The following DNAH17 variants were observed in gnomAD, a reference collection of about 807,000 sequenced individuals.
DNAH17 encodes the protein dynein axonemal heavy chain 17, also known as axonemal beta dynein heavy chain 17.
A neutral mutation model predicts 485.6 loss-of-function variants in DNAH17; 376 were observed. The ratio of observed to expected loss-of-function variants is 0.77; its 90% confidence interval spans 0.71 to 0.84. The LOEUF is 0.84. Among genes scored for constraint, DNAH17 ranks in the 40% least tolerant of loss-of-function variants. The pLI is 0.00. For synonymous variants in DNAH17, 3,031 were observed against 2,405.9 expected (o/e 1.26, Z -7.60); for missense variants, 6,370 against 5,839.3 (o/e 1.09, Z -2.96).
chr17:78,508,086 GA>G (rs1203990843), intron 27 of DNAH17, among the ~76,000 whole-genome samples: 1 of 152,202 alleles, frequency 6.6e-6, no homozygotes, highest in Non-Finnish European at 1.5e-5. Context: ...TAGGCTGAGT[GA>G]AAGAAGCCAC....
chr17:78,451,301 T>G (rs1433962415), intron 66 of DNAH17, among the ~76,000 whole-genome samples, 168 bp downstream of exon 66: 1 of 152,210 alleles, frequency 6.6e-6, no homozygotes, highest in Non-Finnish European at 1.5e-5. Flanking sequence ...AAATGAGCCA[T>G]CCTGTCGTAT....
chr17:78,477,936 CCACCATCACCATTATCATCTCCACCAT>C (rs1156263121), intron 51 of DNAH17, among the ~76,000 whole-genome samples: 1 of 150,276 alleles, frequency 6.7e-6, no homozygotes. Context: ...ACCATCATCA[CCACCATCACCATTATCATCTCCACCAT>C]CACCACCACC....
rs138711615 is a variant in DNAH17, at chr17:78,480,893, C to A, written c.7650-107G>T. On this transcript the variant is annotated intron_variant, in intron 48 of 80. Coordinates refer to ENST00000389840, the MANE Select transcript of DNAH17 (RefSeq NM_173628.4). ...CCTCCTTATTATTATTTTTTTGAGA[C>A]AGAGTCTCGCTCTGTTGCCCAGGCT... is the stretch of plus-strand genomic sequence containing the variant. 1.9e-3 allele frequency: 1,482 copies of A among 769,272 alleles called. 13 individuals are homozygous for A. The African/African-American group carries it at 0.022, about 11-fold the overall frequency. 47.7% of individuals were successfully genotyped at this position (769,272 alleles called of 1,614,324 possible).
chr17:78,429,242 G>A lies in DNAH17; in HGVS notation c.12284C>T (p.Thr4095Ile), dbSNP rs769912523. 1 of 1,613,960 alleles carries A rather than the reference G, an allele frequency of 6.2e-7. No individual in the cohort carries two copies. The highest frequency in any genetic ancestry group is 1.1e-5 in the South Asian group (1 of 91,082). Residue 4095 changes from threonine to isoleucine, a missense_variant, in exon 76 of 81, where the codon ACA becomes ATA. Coordinates refer to ENST00000389840, the MANE Select transcript of DNAH17 (RefSeq NM_173628.4). ...GCACAGCCGACGGTCCCAGTCATCT[G>A]TGATGTGGCCGCCATACATGATTTC... is the stretch of plus-strand genomic sequence containing the variant. The part of the protein sequence containing the change: ...FGEIMYGGHI[T>I]DDWDRRLCRT...
At chr17:78,460,325 C>CATGTGTGTGT in intron 58 of DNAH17, 68 bp from the exon 59 acceptor site, 1 of 770,890 alleles carries the variant, frequency 1.3e-6, no homozygotes, top group Non-Finnish European at 2.0e-6. Context: ...CGTGTACGTG[C>CATGTGTGTGT]ATGTGTGTGC....
chr17:78,528,982 C>G (rs558043283), intron 22 of DNAH17, among the ~76,000 whole-genome samples: 1 of 149,990 alleles, frequency 6.7e-6, no homozygotes, highest in Non-Finnish European at 1.5e-5. Flanking sequence ...GAATCTCTGT[C>G]GCCCAGGCTG....
In DNAH17 at chr17:78,428,992, C is replaced by CT. The variant is rs2086581287; in HGVS notation, c.12405+128dup. The CT allele has an allele frequency of 4.6e-6, 4 of 873,960 alleles. No homozygotes were observed. The South Asian group carries it at 6.7e-5, about 15-fold the overall frequency. The allele number at this position is 873,960 out of a possible 1,614,324, so 54.1% of individuals were successfully genotyped here. On this transcript the variant is annotated intron_variant, in intron 76 of 80. Transcript: ENST00000389840. ...TGCTTCTTCCAAGTGAGACGCATTT[C>CT]TCATCCTCTCTTATTTTGGCTGCCT...
At position 78,425,061 on chromosome 17, in the gene DNAH17, C is replaced by T. The variant is rs74001313; in HGVS notation, c.13141+285G>A. ...GGCTTTTCAGCGCTTTTCATCACGT[C>T]GGAGCTGCTCTCTCACAAGCTCTGC... On this transcript the variant is annotated intron_variant, in intron 80 of 80. Coordinates refer to ENST00000389840, the MANE Select transcript of DNAH17 (RefSeq NM_173628.4). The T allele has an allele frequency of 1.9e-4, 57 of 307,022 alleles. No homozygotes were observed. In the East Asian group the frequency reaches 2.1e-3, roughly 11 times the overall value. The allele number at this position is 307,022 out of a possible 1,614,324, so 19.0% of individuals were successfully genotyped here.
At chr17:78,467,373 T>C (rs1056353344) in intron 55 of DNAH17, among the ~76,000 whole-genome samples, 1 of 152,182 alleles carries the variant, frequency 6.6e-6, no homozygotes, top group African/African-American at 2.4e-5. Context: ...GACGCTGCCA[T>C]TGAATGGGGT....
rs775806647 is a variant in DNAH17, at chr17:78,501,181, C to T, written c.5483+3G>A. Reference sequence around the variant, plus strand: ...ATGTGAGTTACTCAGGGACGGGCCTCACCTGTCAGTGAGTGGGGTGATGAC... The same window carrying T: ...ATGTGAGTTACTCAGGGACGGGCCTTACCTGTCAGTGAGTGGGGTGATGAC... On this transcript the variant is annotated splice_donor_region_variant and intron_variant, in intron 35 of 80. Coordinates refer to ENST00000389840, the MANE Select transcript of DNAH17 (RefSeq NM_173628.4). 6.4e-7 allele frequency: 1 copy of T among 1,574,450 alleles called. No homozygotes were observed. Among genetic ancestry groups the T allele is most frequent in the South Asian group, 1.2e-5 (1 of 85,608 alleles).
intron 75 of DNAH17, 125 bp downstream of exon 75, chr17:78,433,902 GAC>G: frequency 1.7e-6 from 1 of 602,408 alleles, no homozygotes; most frequent in Middle Eastern, 5.0e-4. Flanking sequence ...CTAAGACAAA[GAC>G]CAAAAGGAAA....
chr17:78,553,493 G>T (rs1009236840), intron 14 of DNAH17, among the ~76,000 whole-genome samples: 2 of 151,558 alleles, frequency 1.3e-5, no homozygotes, highest in Non-Finnish European at 2.9e-5. Context: ...GTAGACGCAG[G>T]GTTTCACTAT....
At chr17:78,544,894 C>G (rs947917542) in intron 16 of DNAH17, among the ~76,000 whole-genome samples, 1 of 149,894 alleles carries the variant, frequency 6.7e-6, no homozygotes, top group Non-Finnish European at 1.5e-5. Flanking sequence ...TTTTTTTTCC[C>G]TACACATCTC....
chr17:78,441,405 T>C (rs1213484465), intron 71 of DNAH17, among the ~76,000 whole-genome samples: 1 of 152,008 alleles, frequency 6.6e-6, no homozygotes, highest in Non-Finnish European at 1.5e-5. Flanking sequence ...ACCCTTTCTT[T>C]CCCGAGGGGC....
rs775678605 is a variant in DNAH17, at chr17:78,453,507, C to T, written c.10407-42G>A. 1.1e-5 allele frequency: 17 copies of T among 1,610,766 alleles called. No individual in the cohort carries two copies. In the Admixed American group the frequency reaches 1.3e-4, roughly 13 times the overall value. ...GAAGCTGGTTCATGGCAGAGGGCCT[C>T]GTGATGGAACGGTGCGCACGCTCCG... On this transcript the variant is annotated intron_variant, in intron 64 of 80. Transcript: ENST00000389840.
At chr17:78,503,305 G>A (rs1027029858) in intron 31 of DNAH17, among the ~76,000 whole-genome samples, 5 of 147,874 alleles carry the variant, frequency 3.4e-5, no homozygotes, top group African/African-American at 5.0e-5. Context: ...TCAGCCTCCC[G>A]AGTAGCTGGG....
At position 78,442,589 on chromosome 17, in the gene DNAH17, G is replaced by A. The variant is rs546229952; in HGVS notation, c.11529-1390C>T. ...TGCTAATTACTTGGCCAGGCCAAAT[G>A]GTCATCGGCTGTGGATGAATTAATG... On this transcript the variant is annotated intron_variant, in intron 71 of 80. Coordinates refer to ENST00000389840, the MANE Select transcript of DNAH17 (RefSeq NM_173628.4). Among the ~76,000 whole-genome samples the A allele has an allele frequency of 1.2e-4, 19 of 152,382 alleles. No homozygotes were observed. In the South Asian group the frequency reaches 1.4e-3, roughly 12 times the overall value.
intron 16 of DNAH17, among the ~76,000 whole-genome samples, chr17:78,544,391 G>T (rs916149898): frequency 6.6e-6 from 1 of 152,150 alleles, no homozygotes; most frequent in African/African-American, 2.4e-5. Flanking sequence ...CAAACGGAGG[G>T]CCACGTGGGA....
At chr17:78,462,286 A>C (rs925326024) in intron 57 of DNAH17, among the ~76,000 whole-genome samples, 4 of 151,074 alleles carry the variant, frequency 2.6e-5, no homozygotes, top group African/African-American at 4.9e-5. Context: ...AGGGGTGCGA[A>C]AGCTCCCCTG....
Sources: gnomAD v4.1 joint callset for allele counts (sites outside exome capture counted in the v4.1 genomes callset) on GRCh38, gnomAD v4.1.1 for gene constraint, MANE v1.5 for transcripts, NCBI Gene and HGNC (gene_info 2026-07-23, HGNC 2026-07-21) for gene names.